Variants in AUH observed in about 807,000 individuals in gnomAD.
AUH encodes AU RNA binding methylglutaconyl-CoA hydratase, also known as methylglutaconyl-CoA hydratase, mitochondrial.
In AUH, 29 loss-of-function variants were observed where a neutral mutation model predicts 42.3. The observed-to-expected ratio is 0.69, with a 90% CI of 0.51 to 0.93. The LOEUF (loss-of-function observed/expected upper bound fraction) is 0.93, where lower values mean the gene tolerates loss of function less well. AUH is among the 40% of genes least tolerant of loss of function. The probability of loss-of-function intolerance (pLI) is 0.00; values close to 1 mark genes in which losing one functional copy is unlikely to be tolerated. For missense variants in AUH, 452 were observed against 438.1 expected (o/e 1.03, Z -0.28); for synonymous variants, 174 against 166.4 (o/e 1.05, Z -0.35).
intron 7 of AUH, among the ~76,000 whole-genome samples, chr9:91,219,869 A>C (rs897628849): frequency 2.0e-5 from 3 of 152,386 alleles, no homozygotes; most frequent in Non-Finnish European, 2.9e-5. Flanking sequence ...AATCAAATGC[A>C]TGAATTTGGA....
intron 4 of AUH, among the ~76,000 whole-genome samples, chr9:91,300,698 C>G (rs1404317028): frequency 6.6e-6 from 1 of 152,218 alleles, no homozygotes; most frequent in Non-Finnish European, 1.5e-5. Context: ...CAGGAAGGCA[C>G]CTGGAACTAA....
At chr9:91,275,098 A>G (rs991164772) in intron 6 of AUH, among the ~76,000 whole-genome samples, 8 of 152,228 alleles carry the variant, frequency 5.3e-5, no homozygotes, top group African/African-American at 1.4e-4. Flanking sequence ...GATCTACCAG[A>G]ACCCTTTCAA....
chr9:91,252,046 A>G (rs1443155703), intron 6 of AUH, among the ~76,000 whole-genome samples: 1 of 151,986 alleles, frequency 6.6e-6, no homozygotes, highest in Admixed American at 6.5e-5. Context: ...GGCTCACTGC[A>G]ACCTCCACCT....
In AUH at chr9:91,217,281, A is replaced by G; in HGVS notation, c.890T>C (p.Met297Thr). 1 of 1,613,726 alleles carries G rather than the reference A, an allele frequency of 6.2e-7. No homozygotes were observed. ...CTCAAGCATTAAGGAACCTACCTCCATCCCTTGATTAATTGCTAATTTTGC... is the reference window on the plus strand; with the variant it reads ...CTCAAGCATTAAGGAACCTACCTCCGTCCCTTGATTAATTGCTAATTTTGC... ...RVAKLAINQG[M>T]EVDLVTGLAI... Residue 297 changes from methionine (M) to threonine (T), a missense_variant, in exon 8 of 10, where the codon ATG (methionine) becomes ACG (threonine). Transcript: ENST00000375731.
At chr9:91,220,358 T>C (rs1393428509) in intron 7 of AUH, among the ~76,000 whole-genome samples, 1 of 152,244 alleles carries the variant, frequency 6.6e-6, no homozygotes, top group Non-Finnish European at 1.5e-5. Context: ...GCCACTGCAA[T>C]GGAAGTCCAC....
intron 4 of AUH, among the ~76,000 whole-genome samples, chr9:91,313,711 C>CAAAA (rs775229436): frequency 1.6e-4 from 11 of 68,848 alleles, no homozygotes; most frequent in East Asian, 3.9e-4. Context: ...GACTCCGTCT[C>CAAAA]AAAAAAAAAA....
At chr9:91,352,581 A>C (rs1832076198) in intron 3 of AUH, among the ~76,000 whole-genome samples, 1 of 152,148 alleles carries the variant, frequency 6.6e-6, no homozygotes, top group South Asian at 2.1e-4. Flanking sequence ...AATGCTAAAT[A>C]ATAGATTTCT....
At chr9:91,273,366 A>C (rs1336663401) in intron 6 of AUH, among the ~76,000 whole-genome samples, 1 of 151,216 alleles carries the variant, frequency 6.6e-6, no homozygotes, top group Non-Finnish European at 1.5e-5. Flanking sequence ...TCAAAGAGAA[A>C]ACTCTTCCAG....
chr9:91,338,516 C>T (rs1302506436), intron 3 of AUH, among the ~76,000 whole-genome samples: 1 of 151,406 alleles, frequency 6.6e-6, no homozygotes, highest in African/African-American at 2.5e-5. Flanking sequence ...CTGCAACATC[C>T]ACCTCCCAGG....
At chr9:91,306,337 CTGAG>C in intron 4 of AUH, 2 of 984,674 alleles carry the variant, frequency 2.0e-6, no homozygotes, top group South Asian at 4.7e-5. Context: ...ACTAGTAGAA[CTGAG>C]TGATGACTTC....
chr9:91,241,993 CTT>C (rs1353908463), intron 6 of AUH, among the ~76,000 whole-genome samples: 1 of 152,214 alleles, frequency 6.6e-6, no homozygotes, highest in African/African-American at 2.4e-5. Flanking sequence ...AACACTTACT[CTT>C]TGATAGATTC....
At position 91,361,894 on chromosome 9, in the gene AUH, T is replaced by A; in HGVS notation, c.-5A>T. 6.8e-7 allele frequency: 1 copy of A among 1,461,890 alleles called. No homozygotes were observed. The highest frequency in any genetic ancestry group is 9.0e-7 in the Non-Finnish European group (1 of 1,113,126). The allele number at this position is 1,461,890 out of a possible 1,614,324, so 90.6% of individuals were successfully genotyped here. A position where few individuals can be genotyped will look rare whatever the true frequency, so the allele number is the denominator to read the frequency against. On this transcript the variant is annotated 5_prime_UTR_variant, in exon 1 of 10. Transcript: ENST00000375731. ...CGCCGCCACCGCGGCCGCCATGTTG[T>A]CTGTTTACGGCGTGGACCTGCGACG...
Position 91,298,006 on chromosome 9 carries a change from TA to T in AUH, c.575del (p.Leu192Ter). The T allele has an allele frequency of 6.2e-7, 1 of 1,612,750 alleles. No individual in the cohort carries two copies. On this transcript the variant is annotated frameshift_variant, in exon 5 of 10. Transcript: ENST00000375731. LOFTEE classifies it high-confidence loss of function. ...TACCTGCTACTCGTATATCACAGGC[TA>T]AAGCCAGTTCAAGACCACCACCTAA... is the stretch of plus-strand genomic sequence containing the variant. ...LALGGGLELA[L>X]ACDIRVAASS...
intron 6 of AUH, among the ~76,000 whole-genome samples, chr9:91,258,586 T>G (rs1471029207): frequency 6.6e-6 from 1 of 152,212 alleles, no homozygotes; most frequent in African/African-American, 2.4e-5. Context: ...CAAAAACCTA[T>G]GGGACAATGT....
chr9:91,293,300 A>G (rs1827059487), intron 6 of AUH, among the ~76,000 whole-genome samples: 1 of 152,268 alleles, frequency 6.6e-6, no homozygotes, highest in Non-Finnish European at 1.5e-5. Flanking sequence ...GCATGTCAAA[A>G]GCTGAGATCA....
Position 91,246,054 on chromosome 9 carries a change from C to A in AUH, c.656-25062G>T, listed in dbSNP as rs562528664. On this transcript the variant is annotated intron_variant, in intron 6 of 9. Coordinates refer to ENST00000375731, the MANE Select transcript of AUH (RefSeq NM_001698.3). ...CACAGGAAACAGATATGAGCAGATTCGGTGGAGGCAGCCTGGGAAAAGATA... is the reference window on the plus strand; with the variant it reads ...CACAGGAAACAGATATGAGCAGATTAGGTGGAGGCAGCCTGGGAAAAGATA... 5.9e-5 allele frequency among the ~76,000 whole-genome samples: 9 copies of A among 152,240 alleles called. 1 individual carries two copies. The East Asian group carries it at 1.4e-3, about 23-fold the overall frequency.
At chr9:91,345,852 T>C (rs1031937674) in intron 3 of AUH, among the ~76,000 whole-genome samples, 4 of 121,180 alleles carry the variant, frequency 3.3e-5, no homozygotes, top group Non-Finnish European at 7.3e-5. Flanking sequence ...AAAAAAAAAG[T>C]ACCCAGAGAA....
chr9:91,357,041 T>C (rs1314751168), intron 1 of AUH, among the ~76,000 whole-genome samples: 2 of 152,340 alleles, frequency 1.3e-5, no homozygotes, highest in Non-Finnish European at 1.5e-5. Context: ...TGCAGACCCA[T>C]TCTTTAAAGT....
At chr9:91,338,378 T>C (rs4743826) in intron 3 of AUH, among the ~76,000 whole-genome samples, 3,317 of 152,278 alleles carry the variant, frequency 0.022, 98 homozygotes, top group Admixed American at 0.083. Context: ...CTCATACACT[T>C]CCAGCCATCA....
Sources: allele counts gnomAD v4.1 joint callset (sites outside exome capture counted in the v4.1 genomes callset), GRCh38; gene constraint gnomAD v4.1.1; transcripts MANE v1.5; gene names NCBI Gene and HGNC (gene_info 2026-07-23, HGNC 2026-07-21).